Variants in CMSS1 observed in about 807,000 individuals in gnomAD.
CMSS1 encodes cms1 ribosomal small subunit homolog, also known as protein CMSS1.
Under a neutral mutation model 43.5 loss-of-function variants are expected in CMSS1, and 33 were observed. That is an observed-to-expected ratio of 0.76 (90% CI 0.57 to 1.01). The LOEUF (loss-of-function observed/expected upper bound fraction) is 1.01, where lower values mean the gene tolerates loss of function less well. CMSS1 is among the 50% of genes least tolerant of loss of function. CMSS1 has a pLI of 0.00. For missense variants in CMSS1, 313 were observed against 326.4 expected (o/e 0.96, Z 0.32); for synonymous variants, 115 against 117.2 (o/e 0.98, Z 0.12).
At chr3:100,086,660 T>C (rs2066015136) in intron 1 of CMSS1, among the ~76,000 whole-genome samples, 1 of 152,230 alleles carries the variant, frequency 6.6e-6, no homozygotes, top group Admixed American at 6.5e-5. Context: ...TTTAAATTTT[T>C]GATAAAAATC....
chr3:100,173,297 G>C (rs541542838), intron 8 of CMSS1, among the ~76,000 whole-genome samples: 1 of 152,162 alleles, frequency 6.6e-6, no homozygotes, highest in South Asian at 2.1e-4. Flanking sequence ...CAACACTTTC[G>C]AGTTCCTACT....
intron 1 of CMSS1, among the ~76,000 whole-genome samples, chr3:99,825,786 T>TG (rs1278623584): frequency 2.0e-5 from 3 of 148,970 alleles, no homozygotes; most frequent in African/African-American, 7.4e-5. Flanking sequence ...TTTTTTTTTT[T>TG]TTTTTTTTGA....
At chr3:100,015,593 C>A (rs2107211630) in intron 1 of CMSS1, among the ~76,000 whole-genome samples, 1 of 152,280 alleles carries the variant, frequency 6.6e-6, no homozygotes, top group Non-Finnish European at 1.5e-5. Flanking sequence ...TTCTAGAATT[C>A]TGATGGTCCT....
intron 1 of CMSS1, among the ~76,000 whole-genome samples, chr3:100,003,670 T>C (rs1169335011): frequency 6.6e-6 from 1 of 152,180 alleles, no homozygotes; most frequent in Non-Finnish European, 1.5e-5. Flanking sequence ...AAGAAAACTC[T>C]CCAGTTTTCT....
In CMSS1 at chr3:100,171,973, A is replaced by T. The variant is rs547047851; in HGVS notation, c.579+74A>T. The T allele has an allele frequency of 1.4e-3, 1,538 of 1,088,982 alleles. 25 individuals are homozygous for T. In the South Asian group the frequency reaches 0.019, roughly 14 times the overall value. The allele number at this position is 1,088,982 out of a possible 1,614,324, so 67.5% of individuals were successfully genotyped here. On this transcript the variant is annotated intron_variant, in intron 7 of 9. Transcript: ENST00000421999. ...TTTTTTCCTTTCAACCTCTTCTCCT[A>T]ATCTCCTTAGCACATATTTTATTGA...
intron 1 of CMSS1, chr3:99,849,300 A>C: frequency 6.2e-7 from 1 of 1,614,180 alleles, no homozygotes; most frequent in Non-Finnish European, 8.5e-7. Flanking sequence ...ATACTTGAGG[A>C]TCGGAAATTC....
chr3:99,983,391 T>TAAATAAATAA (rs1249848576), intron 1 of CMSS1, among the ~76,000 whole-genome samples: 16 of 16,100 alleles, frequency 9.9e-4, no homozygotes, highest in African/African-American at 1.5e-3. Flanking sequence ...AATAAATAAA[T>TAAATAAATAA]ATATATATAT....
intron 1 of CMSS1, among the ~76,000 whole-genome samples, chr3:99,933,620 T>C (rs1295419560): frequency 6.6e-6 from 1 of 152,240 alleles, no homozygotes; most frequent in African/African-American, 2.4e-5. Flanking sequence ...ATCCTTACTC[T>C]GGGCTATAGA....
intron 1 of CMSS1, among the ~76,000 whole-genome samples, chr3:99,861,723 A>T (rs539271516): frequency 2.0e-5 from 3 of 152,202 alleles, no homozygotes; most frequent in African/African-American, 7.2e-5. Context: ...GACTGACAGC[A>T]TGTACACTCT....
chr3:100,006,712 C>T (rs1394428825), intron 1 of CMSS1, among the ~76,000 whole-genome samples: 4 of 151,392 alleles, frequency 2.6e-5, no homozygotes, highest in Non-Finnish European at 4.4e-5. Context: ...TAGTGACTCC[C>T]AGAGTTTGCT....
intron 1 of CMSS1, among the ~76,000 whole-genome samples, chr3:99,929,263 C>T (rs900509908): frequency 1.3e-5 from 2 of 152,274 alleles, no homozygotes; most frequent in South Asian, 2.1e-4. Context: ...CCACCTTTGC[C>T]GTTGTAATTG....
At chr3:100,125,827 G>A (rs2066657984) in intron 1 of CMSS1, among the ~76,000 whole-genome samples, 2 of 152,214 alleles carry the variant, frequency 1.3e-5, no homozygotes, top group East Asian at 1.9e-4. Flanking sequence ...GGAGGGTTGA[G>A]TGAGGAAGGT....
At chr3:100,159,541 A>G (rs1190594203) in intron 2 of CMSS1, among the ~76,000 whole-genome samples, 7 of 152,194 alleles carry the variant, frequency 4.6e-5, no homozygotes, top group African/African-American at 7.2e-5. Flanking sequence ...GTTGGAATGG[A>G]AAGTTAATCA....
chr3:100,176,360 T>C lies in CMSS1; in HGVS notation c.701T>C (p.Val234Ala). The C allele has an allele frequency of 6.2e-7, 1 of 1,613,362 alleles. No individual in the cohort carries two copies. The highest frequency in any genetic ancestry group is 1.3e-5 in the African/African-American group (1 of 75,016). The change falls in exon 9 of 10, where the codon GTT (valine) becomes GCT (alanine). Residue 234 changes from valine (V) to alanine (A), a missense_variant. Physicochemically the swap from Val to Ala is moderately conservative, Grantham distance 64 (BLOSUM62 0). Coordinates refer to ENST00000421999, the MANE Select transcript of CMSS1 (RefSeq NM_032359.4). ...GLNLSPLKFL[V>A]FDWNWRDQKL... ...AATTTGAGCCCCTTAAAATTTCTGG[T>C]TTTTGACTGGAACTGGAGAGATCAG...
At chr3:99,868,034 A>G (rs1396956932) in intron 1 of CMSS1, among the ~76,000 whole-genome samples, 3 of 152,208 alleles carry the variant, frequency 2.0e-5, no homozygotes, top group African/African-American at 7.2e-5. Flanking sequence ...GATATAAGCC[A>G]TTTAGCCCAG....
At chr3:99,918,866 A>T (rs1314592439) in intron 1 of CMSS1, among the ~76,000 whole-genome samples, 3 of 152,232 alleles carry the variant, frequency 2.0e-5, no homozygotes, top group Non-Finnish European at 4.4e-5. Flanking sequence ...TGCCCATGAC[A>T]AAGGTCAAAT....
rs536474145 is a variant in CMSS1, at chr3:100,171,248, T to C, written c.519-591T>C. Among the ~76,000 whole-genome samples, 84 of 152,294 alleles carry C rather than the reference T, an allele frequency of 5.5e-4. No individual in the cohort carries two copies. The Middle Eastern group carries it at 0.017, about 31-fold the overall frequency. On this transcript the variant is annotated intron_variant, in intron 6 of 9. Coordinates refer to ENST00000421999, the MANE Select transcript of CMSS1 (RefSeq NM_032359.4). The stretch of plus-strand genomic sequence containing the variant: ...CTTCCTTCCTTCTTTTCCTGCTTTT[T>C]GGCTGAAGCTTCATTTCCACCTATA...
intron 1 of CMSS1, among the ~76,000 whole-genome samples, chr3:100,068,216 A>C (rs2065699408): frequency 6.6e-6 from 1 of 152,240 alleles, no homozygotes; most frequent in East Asian, 1.9e-4. Context: ...TGGTATTGAC[A>C]AAGATACAGT....
intron 1 of CMSS1, among the ~76,000 whole-genome samples, chr3:99,958,492 G>A (rs537439545): frequency 6.6e-5 from 10 of 152,194 alleles, no homozygotes; most frequent in Admixed American, 3.3e-4. Flanking sequence ...TGCAAAGAAA[G>A]GAGACATTTG....
Sources: gnomAD v4.1 joint callset for allele counts (sites outside exome capture counted in the v4.1 genomes callset) on GRCh38, gnomAD v4.1.1 for gene constraint, MANE v1.5 for transcripts, NCBI Gene and HGNC (gene_info 2026-07-23, HGNC 2026-07-21) for gene names.